ZMYND11: variants seen among roughly 807,000 people sequenced by gnomAD.
The protein encoded by ZMYND11 is zinc finger MYND-type containing 11, also known as zinc finger MYND domain-containing protein 11.
A neutral mutation model predicts 84.9 loss-of-function variants in ZMYND11; 9 were observed. The ratio of observed to expected loss-of-function variants is 0.11; its 90% confidence interval spans 0.06 to 0.18. The LOEUF is 0.18. Among genes scored for constraint, ZMYND11 ranks in the 10% least tolerant of loss-of-function variants. ZMYND11 has a pLI of 1.00. For synonymous variants in ZMYND11, 250 were observed against 244.1 expected, an observed-to-expected ratio of 1.02 and a Z score of -0.23; for missense variants, 409 against 761.0, an observed-to-expected ratio of 0.54 and a Z score of 5.44.
chr10:130,943 C>G (rs913674598), upstream of ZMYND11, among the ~76,000 whole-genome samples: 1 of 152,116 alleles, frequency 6.6e-6, no homozygotes, highest in African/African-American at 2.4e-5. Flanking sequence ...CATGGCGAAA[C>G]CCCATCTCTA....
chr10:247,000 CTATT>C (rs1374634486), intron 11 of ZMYND11, 27 bp downstream of exon 11: 3 of 1,562,226 alleles, frequency 1.9e-6, no homozygotes, highest in Non-Finnish European at 2.6e-6. Flanking sequence ...AAGGAAGTGC[CTATT>C]CATTATTACT....
Position 182,942 on chromosome 10 carries a change from CTT to C in ZMYND11, c.116+2817_116+2818del, listed in dbSNP as rs756706890. Among the ~76,000 whole-genome samples the C allele has an allele frequency of 4.1e-4, 63 of 152,256 alleles. No homozygotes were observed. In the Middle Eastern group the frequency reaches 0.014, roughly 33 times the overall value. ...AGTCAAGTCCGAACATAAAGATAAT[CTT>C]TTAAACTTTGCAGATATCTTAAGGT... On this transcript the variant is annotated intron_variant, in intron 2 of 14. Transcript: ENST00000381604.
At chr10:144,101 T>G (rs1242482078) in intron 1 of ZMYND11, among the ~76,000 whole-genome samples, 1 of 152,246 alleles carries the variant, frequency 6.6e-6, no homozygotes, top group Non-Finnish European at 1.5e-5. Flanking sequence ...TCTTAGTTAT[T>G]TTCAAATGAA....
intron 1 of ZMYND11, among the ~76,000 whole-genome samples, chr10:137,950 TC>T (rs1293325107): frequency 2.6e-5 from 4 of 152,198 alleles, no homozygotes; most frequent in Admixed American, 2.0e-4. Context: ...AACCAACTCT[TC>T]CTTTTACAGT....
At chr10:216,624 A>G (rs530463801) in intron 3 of ZMYND11, among the ~76,000 whole-genome samples, 1 of 152,288 alleles carries the variant, frequency 6.6e-6, no homozygotes, top group African/African-American at 2.4e-5. Flanking sequence ...TCATTTGCCA[A>G]GTGAATTATC....
chr10:244,285 A>ATTATTCTTCTGCTAGTCCATC (rs1951672887), intron 10 of ZMYND11, among the ~76,000 whole-genome samples: 2 of 152,324 alleles, frequency 1.3e-5, no homozygotes, highest in Middle Eastern at 3.4e-3. Context: ...GTTTTGGCTA[A>ATTATTCTTCTGCTAGTCCATC]TTATTCTTCT....
chr10:200,296 GTATAT>G lies in ZMYND11; in HGVS notation c.117-9587_117-9583del, dbSNP rs1942869508. The stretch of plus-strand genomic sequence containing the variant: ...ATATAATATATAATATGTATAAAAT[GTATAT>G]TATATATAATATATAACATATAATA... On this transcript the variant is annotated intron_variant, in intron 2 of 14. Transcript: ENST00000381604. 1.2e-4 allele frequency among the ~76,000 whole-genome samples: 8 copies of G among 69,336 alleles called. No homozygotes were observed. In the South Asian group the frequency reaches 5.0e-3, roughly 43 times the overall value. 45.5% of individuals were successfully genotyped at this position (69,336 alleles called of 152,430 possible). A position where few individuals can be genotyped will look rare whatever the true frequency, so the allele number is the denominator to read the frequency against.
In ZMYND11 at chr10:209,938, C is replaced by T; in HGVS notation, c.166C>T (p.Leu56=). ...GCACCCTAAAGAGACCACCCGTCAG[C>T]TGAGCTTAGCTGTGAAAGATGGTCT... ...GMHPKETTRQ[L]SLAVKDGLIV... Residue 56 remains leucine, a synonymous_variant, in exon 3 of 15, where the codon CTG becomes TTG. Transcript: ENST00000381604. 3 of 1,614,078 alleles carry T rather than the reference C, an allele frequency of 1.9e-6. No homozygotes were observed. Among genetic ancestry groups the T allele is most frequent in the Non-Finnish European group, 2.5e-6 (3 of 1,179,988 alleles).
chr10:169,183 G>C (rs570581788), intron 1 of ZMYND11, among the ~76,000 whole-genome samples: 1 of 152,152 alleles, frequency 6.6e-6, no homozygotes, highest in East Asian at 1.9e-4. Flanking sequence ...GAAATATACA[G>C]CTTCAACCCC....
chr10:208,873 G>A (rs1019948200), intron 2 of ZMYND11, among the ~76,000 whole-genome samples: 10 of 152,124 alleles, frequency 6.6e-5, no homozygotes, highest in African/African-American at 1.7e-4. Flanking sequence ...GACTTCTAGC[G>A]TGGAATGTTT....
chr10:146,344 G>T (rs1316747780), intron 1 of ZMYND11, among the ~76,000 whole-genome samples: 1 of 152,108 alleles, frequency 6.6e-6, no homozygotes, highest in African/African-American at 2.4e-5. Flanking sequence ...GATTGCTTTG[G>T]CTATTTGAGC....
intron 4 of ZMYND11, among the ~76,000 whole-genome samples, chr10:227,855 A>AT (rs1948389593): frequency 3.9e-5 from 6 of 152,320 alleles, no homozygotes; most frequent in Middle Eastern, 3.4e-3. Flanking sequence ...CAAGATACAT[A>AT]TTAACAAATC....
chr10:244,137 G>C (rs1041667310), intron 10 of ZMYND11, among the ~76,000 whole-genome samples: 2 of 152,036 alleles, frequency 1.3e-5, no homozygotes, highest in African/African-American at 4.8e-5. Context: ...GTGAAGGACT[G>C]GTTAGGATAT....
intron 3 of ZMYND11, among the ~76,000 whole-genome samples, chr10:212,421 A>G (rs1247329409): frequency 2.6e-5 from 4 of 151,970 alleles, no homozygotes; most frequent in African/African-American, 7.2e-5. Context: ...GTATAATATA[A>G]GCACAAGTGA....
At chr10:207,738 T>C (rs1420647047) in intron 2 of ZMYND11, among the ~76,000 whole-genome samples, 1 of 152,242 alleles carries the variant, frequency 6.6e-6, no homozygotes, top group East Asian at 1.9e-4. Context: ...AATTTATAGA[T>C]TCAATGCCAT....
intron 4 of ZMYND11, among the ~76,000 whole-genome samples, chr10:230,607 G>C (rs963403092): frequency 1.1e-4 from 17 of 151,596 alleles, no homozygotes; most frequent in Non-Finnish European, 2.2e-4. Flanking sequence ...ATATTTCAGT[G>C]AGCTATTGGT....
At chr10:182,465 C>G (rs946092153) in intron 2 of ZMYND11, among the ~76,000 whole-genome samples, 7 of 152,062 alleles carry the variant, frequency 4.6e-5, no homozygotes, top group African/African-American at 1.4e-4. Context: ...AATTTATTTA[C>G]CTACCAGATA....
At chr10:206,813 T>G (rs1408810627) in intron 2 of ZMYND11, among the ~76,000 whole-genome samples, 1 of 152,094 alleles carries the variant, frequency 6.6e-6, no homozygotes, top group Non-Finnish European at 1.5e-5. Flanking sequence ...TCAGATAGCT[T>G]AGAAATGTTT....
At chr10:218,309 T>G (rs1946533619) in intron 3 of ZMYND11, 2 of 161,840 alleles carry the variant, frequency 1.2e-5, no homozygotes. Context: ...AGATTACCAG[T>G]TAATATCATC....
Sources: allele counts gnomAD v4.1 joint callset (sites outside exome capture counted in the v4.1 genomes callset), GRCh38; gene constraint gnomAD v4.1.1; transcripts MANE v1.5; gene names NCBI Gene and HGNC (gene_info 2026-07-23, HGNC 2026-07-21).